The following ACYP2 variants were observed in gnomAD, a reference collection of about 807,000 sequenced individuals.
ACYP2 encodes the protein acylphosphatase 2.
Under a neutral mutation model 11.2 loss-of-function variants are expected in ACYP2, and 12 were observed. The ratio of observed to expected loss-of-function variants is 1.08; its 90% CI spans 0.69 to 1.74. ACYP2 has a LOEUF of 1.74. Ranked by LOEUF, ACYP2 falls within the 40% of genes most tolerant of loss-of-function variation. ACYP2 has a pLI of 0.00. For missense variants in ACYP2, 134 were observed against 101.9 expected, an observed-to-expected ratio of 1.31 and a Z score of -1.35; for synonymous variants, 43 against 32.2, an observed-to-expected ratio of 1.33 and a Z score of -1.13.
intron 6 of ACYP2, among the ~76,000 whole-genome samples, chr2:54,201,447 A>G (rs1206781164): frequency 6.6e-6 from 1 of 151,928 alleles, no homozygotes; most frequent in Non-Finnish European, 1.5e-5. Context: ...AGTTCTTTAT[A>G]TATTTTGAAT....
chr2:54,198,714 CTT>C (rs1173789980), intron 6 of ACYP2, among the ~76,000 whole-genome samples: 7 of 152,078 alleles, frequency 4.6e-5, no homozygotes, highest in African/African-American at 1.7e-4. Flanking sequence ...GGATAAAAGA[CTT>C]ATAAAAAATG....
At chr2:54,017,846 G>A (rs768759330) in intron 2 of ACYP2, among the ~76,000 whole-genome samples, 3 of 152,014 alleles carry the variant, frequency 2.0e-5, no homozygotes, top group Non-Finnish European at 4.4e-5. Flanking sequence ...ATCAGTGAGC[G>A]TGTGTTACTA....
intron 4 of ACYP2, among the ~76,000 whole-genome samples, chr2:54,074,477 G>A (rs1677221462): frequency 6.6e-6 from 1 of 152,064 alleles, no homozygotes; most frequent in Non-Finnish European, 1.5e-5. Flanking sequence ...TGATTGTGGT[G>A]ATGGTTGCAC....
intron 2 of ACYP2, among the ~76,000 whole-genome samples, chr2:54,041,413 G>C (rs753864161): frequency 6.6e-6 from 1 of 152,176 alleles, no homozygotes; most frequent in African/African-American, 2.4e-5. Context: ...GAGGGGAGGT[G>C]AGTAAGTATT....
intron 4 of ACYP2, among the ~76,000 whole-genome samples, chr2:54,101,192 T>C (rs762591137): frequency 6.6e-6 from 1 of 152,222 alleles, no homozygotes; most frequent in Non-Finnish European, 1.5e-5. Flanking sequence ...GAACCCTTGA[T>C]CAACATTATC....
At chr2:54,197,270 A>G (rs1684530265) in intron 6 of ACYP2, among the ~76,000 whole-genome samples, 1 of 152,142 alleles carries the variant, frequency 6.6e-6, no homozygotes, top group Non-Finnish European at 1.5e-5. Flanking sequence ...GGCACTGTAT[A>G]TCTGAGGACT....
At chr2:54,065,100 T>C (rs1676674649) in intron 4 of ACYP2, among the ~76,000 whole-genome samples, 3 of 87,578 alleles carry the variant, frequency 3.4e-5, no homozygotes. Flanking sequence ...AATAAATAAA[T>C]AAATAAATAA....
chr2:54,218,427 T>C (rs1220123146), intron 6 of ACYP2, among the ~76,000 whole-genome samples: 1 of 152,250 alleles, frequency 6.6e-6, no homozygotes, highest in Non-Finnish European at 1.5e-5. Flanking sequence ...TTGTATTCAA[T>C]TGACAGCTTC....
chr2:54,221,426 A>G (rs973190936), intron 6 of ACYP2, among the ~76,000 whole-genome samples: 5 of 152,170 alleles, frequency 3.3e-5, no homozygotes, highest in Admixed American at 3.3e-4. Context: ...TATTAATTGA[A>G]AAGTAGTAAC....
chr2:54,023,514 T>G (rs1674112459), intron 2 of ACYP2, among the ~76,000 whole-genome samples: 1 of 152,198 alleles, frequency 6.6e-6, no homozygotes, highest in African/African-American at 2.4e-5. Context: ...TATATCCACA[T>G]GAACCCTTGA....
At chr2:54,117,472 T>C (rs574692500) in intron 4 of ACYP2, among the ~76,000 whole-genome samples, 7 of 152,066 alleles carry the variant, frequency 4.6e-5, no homozygotes, top group Non-Finnish European at 1.0e-4. Context: ...TTTTTAAAAT[T>C]TTTTTGTAGA....
intron 2 of ACYP2, among the ~76,000 whole-genome samples, chr2:53,982,466 A>G (rs555563176): frequency 1.3e-5 from 2 of 152,310 alleles, no homozygotes; most frequent in Admixed American, 6.5e-5. Context: ...ACCTGTCCTC[A>G]AGCAGTTCAC....
chr2:54,086,130 A>G (rs1558518262), intron 4 of ACYP2, among the ~76,000 whole-genome samples: 1 of 152,016 alleles, frequency 6.6e-6, no homozygotes, highest in Non-Finnish European at 1.5e-5. Context: ...TTTTTAGTAC[A>G]GACAGGGTTT....
chr2:54,234,763 A>G (rs1686397581), intron 6 of ACYP2, among the ~76,000 whole-genome samples: 1 of 152,208 alleles, frequency 6.6e-6, no homozygotes, highest in African/African-American at 2.4e-5. Flanking sequence ...CCTTCTTAAA[A>G]TGAGTTATCC....
At chr2:54,291,608 T>C (rs1689308246) in intron 6 of ACYP2, among the ~76,000 whole-genome samples, 1 of 152,142 alleles carries the variant, frequency 6.6e-6, no homozygotes, top group African/African-American at 2.4e-5. Context: ...TAATCAGAGG[T>C]ATTCCTGTGA....
At chr2:54,015,481 GA>G (rs138470298) in intron 2 of ACYP2, among the ~76,000 whole-genome samples, 9,030 of 148,490 alleles carry the variant, frequency 0.061, 420 homozygotes, top group East Asian at 0.26. Context: ...GTTCTCCAGG[GA>G]AAAAAAAAAT....
chr2:54,173,316 A>G (rs984366849), intron 6 of ACYP2, among the ~76,000 whole-genome samples: 4 of 152,082 alleles, frequency 2.6e-5, no homozygotes, highest in Non-Finnish European at 4.4e-5. Context: ...GCATTTTTTC[A>G]TGTGTCTGTT....
rs1383154038 is a variant in ACYP2 at position 53,983,094 on chromosome 2, C to T, written c.62+9284C>T. 3.3e-5 allele frequency among the ~76,000 whole-genome samples: 5 copies of T among 152,162 alleles called. No homozygotes were observed. The South Asian group carries it at 6.2e-4, about 19-fold the overall frequency. ...ATGCTTTAATAGGATAAATGTTGTT[C>T]TGGTTATGTAGAACAGGGGTACCTG... On this transcript the variant is annotated intron_variant, in intron 2 of 6. Transcript: ENST00000607452.
At chr2:54,182,500 C>T (rs1266949278) in intron 6 of ACYP2, among the ~76,000 whole-genome samples, 2 of 152,004 alleles carry the variant, frequency 1.3e-5, no homozygotes, top group East Asian at 3.9e-4. Flanking sequence ...CGTCACCACG[C>T]CCAGCTATTT....
Sources: allele counts gnomAD v4.1 joint callset (sites outside exome capture counted in the v4.1 genomes callset), GRCh38; gene constraint gnomAD v4.1.1; transcripts MANE v1.5; gene names NCBI Gene and HGNC (gene_info 2026-07-23, HGNC 2026-07-21).